TRPC4: variants seen among roughly 807,000 people sequenced by gnomAD.
TRPC4 encodes short transient receptor potential channel 4.
A neutral mutation model predicts 99.4 loss-of-function variants in TRPC4; 49 were observed. The ratio of observed to expected loss-of-function variants is 0.49; its 90% CI spans 0.39 to 0.63. The LOEUF (loss-of-function observed/expected upper bound fraction) is 0.63. TRPC4 is among the 20% of genes least tolerant of loss of function. The pLI is 0.00. For synonymous variants in TRPC4, 454 were observed against 425.9 expected (o/e 1.07, Z -0.81); for missense variants, 898 against 1,152.9 (o/e 0.78, Z 3.20).
intron 1 of TRPC4, among the ~76,000 whole-genome samples, chr13:37,817,019 C>G (rs1198042228): frequency 1.3e-5 from 2 of 151,966 alleles, no homozygotes; most frequent in Admixed American, 1.3e-4. Flanking sequence ...AAATCCTGGA[C>G]AGAGCAATCA....
At chr13:37,698,923 A>G (rs965959241) in intron 3 of TRPC4, among the ~76,000 whole-genome samples, 5 of 152,148 alleles carry the variant, frequency 3.3e-5, no homozygotes, top group Admixed American at 2.6e-4. Context: ...TTTCTCACAG[A>G]TATTTACCCT....
At position 37,687,300 on chromosome 13, in the gene TRPC4, T is replaced by C. The variant is rs533066873; in HGVS notation, c.1234+4699A>G. Among the ~76,000 whole-genome samples, 21 of 152,268 alleles carry C rather than the reference T, an allele frequency of 1.4e-4. No homozygotes were observed. In the South Asian group the frequency reaches 4.2e-3, roughly 30 times the overall value. Reference sequence around the variant, plus strand: ...TCTTTCATGAAAAGTGTTATCCATTTTATAATTTATTTTACTAAGCTAATT... The same window carrying C: ...TCTTTCATGAAAAGTGTTATCCATTCTATAATTTATTTTACTAAGCTAATT... On this transcript the variant is annotated intron_variant, in intron 4 of 10. Transcript: ENST00000379705.
At chr13:37,760,391 T>G (rs1199702928) in intron 2 of TRPC4, among the ~76,000 whole-genome samples, 1 of 151,976 alleles carries the variant, frequency 6.6e-6, no homozygotes, top group Non-Finnish European at 1.5e-5. Flanking sequence ...ATAACGTCCT[T>G]TTGTAAAATT....
chr13:37,735,630 G>A (rs1447271049), intron 3 of TRPC4, among the ~76,000 whole-genome samples: 4 of 152,060 alleles, frequency 2.6e-5, no homozygotes, highest in South Asian at 2.1e-4. Flanking sequence ...AGAAGTACCC[G>A]TTTTATGCTG....
chr13:37,779,287 G>T (rs1363652957), intron 2 of TRPC4, among the ~76,000 whole-genome samples: 1 of 151,920 alleles, frequency 6.6e-6, no homozygotes, highest in East Asian at 1.9e-4. Context: ...GAGAAATAAG[G>T]TATCAAGAAG....
chr13:37,849,162 A>G (rs1958991675), intron 1 of TRPC4, among the ~76,000 whole-genome samples: 1 of 152,160 alleles, frequency 6.6e-6, no homozygotes, highest in African/African-American at 2.4e-5. Flanking sequence ...ATAGAAGGGT[A>G]TCTCAGAGGT....
At chr13:37,663,768 C>T in intron 5 of TRPC4, 39 bp from the exon 6 acceptor site, 1 of 1,527,082 alleles carries the variant, frequency 6.5e-7, no homozygotes, top group Non-Finnish European at 8.9e-7. Flanking sequence ...GTAAAACAAA[C>T]ACACGCATAT....
At chr13:37,771,765 G>A (rs1266228055) in intron 2 of TRPC4, among the ~76,000 whole-genome samples, 1 of 151,660 alleles carries the variant, frequency 6.6e-6, no homozygotes, top group African/African-American at 2.4e-5. Flanking sequence ...TAGGAAATCT[G>A]TTGGGTATAT....
chr13:37,659,433 T>C (rs753610477), intron 6 of TRPC4, among the ~76,000 whole-genome samples: 1 of 152,172 alleles, frequency 6.6e-6, no homozygotes. Context: ...TGCAGAACCA[T>C]AAACCAAATA....
At chr13:37,740,231 T>G (rs2139128778) in intron 3 of TRPC4, among the ~76,000 whole-genome samples, 2 of 152,254 alleles carry the variant, frequency 1.3e-5, no homozygotes, top group Middle Eastern at 6.8e-3. Context: ...TAGAGAGAGA[T>G]GTTACTGTCC....
chr13:37,654,792 T>C (rs1354500344), intron 7 of TRPC4, among the ~76,000 whole-genome samples: 1 of 152,112 alleles, frequency 6.6e-6, no homozygotes, highest in Non-Finnish European at 1.5e-5. Context: ...GGCGCAGAGA[T>C]GAGCTGCTTG....
intron 2 of TRPC4, among the ~76,000 whole-genome samples, chr13:37,759,656 C>A (rs1000439508): frequency 6.6e-6 from 1 of 151,568 alleles, no homozygotes; most frequent in East Asian, 1.9e-4. Context: ...CAAGGAAAAA[C>A]AAATAAAAAC....
At chr13:37,757,573 T>A (rs1294240185) in intron 2 of TRPC4, among the ~76,000 whole-genome samples, 1 of 151,970 alleles carries the variant, frequency 6.6e-6, no homozygotes, top group Non-Finnish European at 1.5e-5. Context: ...ACATTTATAT[T>A]TATTAAGAAA....
intron 2 of TRPC4, among the ~76,000 whole-genome samples, chr13:37,778,121 T>C (rs1956754935): frequency 6.6e-6 from 1 of 152,086 alleles, no homozygotes; most frequent in African/African-American, 2.4e-5. Context: ...ATTCATATCC[T>C]GAATTCAAAT....
At chr13:37,769,513 C>T (rs1257320470) in intron 2 of TRPC4, among the ~76,000 whole-genome samples, 1 of 151,434 alleles carries the variant, frequency 6.6e-6, no homozygotes, top group Non-Finnish European at 1.5e-5. Context: ...CAGAGAAAGG[C>T]TACATTTTGT....
At chr13:37,832,406 C>A (rs562775157) in intron 1 of TRPC4, among the ~76,000 whole-genome samples, 1 of 151,764 alleles carries the variant, frequency 6.6e-6, no homozygotes, top group African/African-American at 2.4e-5. Flanking sequence ...ATTAGCTGGG[C>A]GGTGCACCTG....
chr13:37,787,393 G>A (rs1032529957), intron 1 of TRPC4, among the ~76,000 whole-genome samples: 5 of 151,900 alleles, frequency 3.3e-5, no homozygotes, highest in African/African-American at 7.2e-5. Flanking sequence ...GCATTCACAC[G>A]CAATCCGATT....
At chr13:37,864,279 T>C (rs755887202) in intron 1 of TRPC4, among the ~76,000 whole-genome samples, 4 of 151,582 alleles carry the variant, frequency 2.6e-5, no homozygotes, top group Non-Finnish European at 5.9e-5. Flanking sequence ...CATAGTGTAA[T>C]GGAACAAAAG....
At chr13:37,727,993 C>A (rs915695378) in intron 3 of TRPC4, among the ~76,000 whole-genome samples, 9 of 151,686 alleles carry the variant, frequency 5.9e-5, no homozygotes, top group African/African-American at 2.2e-4. Flanking sequence ...AATTCAATAC[C>A]CTTTCATGAT....
Sources: allele counts gnomAD v4.1 joint callset (sites outside exome capture counted in the v4.1 genomes callset), GRCh38; gene constraint gnomAD v4.1.1; transcripts MANE v1.5; gene names NCBI Gene and HGNC (gene_info 2026-07-23, HGNC 2026-07-21).